The following ARHGAP40 variants were observed in gnomAD, a reference collection of about 807,000 sequenced individuals.
ARHGAP40 encodes the protein Rho GTPase activating protein 40.
In ARHGAP40, 43 loss-of-function variants were observed where a neutral mutation model predicts 73.5. That is an observed-to-expected ratio of 0.58 (90% CI 0.46 to 0.75). ARHGAP40 has a LOEUF of 0.75. Among genes scored for constraint, ARHGAP40 ranks in the 30% least tolerant of loss-of-function variants. The probability of loss-of-function intolerance (pLI) is 0.00; values close to 1 mark genes in which losing one functional copy is unlikely to be tolerated. For missense variants in ARHGAP40, 734 were observed against 861.8 expected, an observed-to-expected ratio of 0.85 and a Z score of 1.86; for synonymous variants, 300 against 352.8, an observed-to-expected ratio of 0.85 and a Z score of 1.68.
chr20:38,640,139 T>TC lies in ARHGAP40; in HGVS notation c.1279+754dup, dbSNP rs1253223512. Among the ~76,000 whole-genome samples, 350 of 40,252 alleles carry TC rather than the reference T, an allele frequency of 8.7e-3. 2 individuals are homozygous for TC. The highest frequency in any genetic ancestry group is 0.057 in the African/African-American group (336 of 5,848). 26.4% of individuals were successfully genotyped at this position (40,252 alleles called of 152,430 possible). On this transcript the variant is annotated intron_variant, in intron 9 of 14. Transcript: ENST00000373345. ...TCCTCTTCTTCCTCTTCTTTCTTCT[T>TC]CTTTCTTCTTCCTCTTCTTTCTTCT...
intron 1 of ARHGAP40, among the ~76,000 whole-genome samples, chr20:38,621,158 A>AG (rs550834445): frequency 7.2e-4 from 109 of 152,286 alleles, no homozygotes; most frequent in South Asian, 3.5e-3. Context: ...CAGGGACTCC[A>AG]GGGGATGGGA....
chr20:38,633,791 C>T (rs568554539), intron 5 of ARHGAP40, among the ~76,000 whole-genome samples: 3 of 152,320 alleles, frequency 2.0e-5, no homozygotes, highest in African/African-American at 7.2e-5. Context: ...GAGCTGCCTG[C>T]AGATTCCCAA....
At chr20:38,611,494 T>A (rs2088804728) in intron 1 of ARHGAP40, among the ~76,000 whole-genome samples, 1 of 149,218 alleles carries the variant, frequency 6.7e-6, no homozygotes, top group South Asian at 2.2e-4. Flanking sequence ...CATAGCTCAC[T>A]GCAACCTCAA....
chr20:38,621,432 C>T (rs1037322634), intron 1 of ARHGAP40, among the ~76,000 whole-genome samples: 1 of 152,138 alleles, frequency 6.6e-6, no homozygotes, highest in Non-Finnish European at 1.5e-5. Context: ...TGTGGGGGAC[C>T]TTCCTGTGAG....
chr20:38,641,575 T>C (rs1448769011), intron 9 of ARHGAP40, 151 bp from the exon 10 acceptor site: 4 of 416,670 alleles, frequency 9.6e-6, no homozygotes, highest in Non-Finnish European at 1.6e-5. Flanking sequence ...GAGCCAACAT[T>C]AGACAAGGAA....
In ARHGAP40 at chr20:38,646,117, A is replaced by G. The variant is rs756142359; in HGVS notation, c.1640A>G (p.Asp547Gly). 4.1e-5 allele frequency: 54 copies of G among 1,304,078 alleles called. No homozygotes were observed. Among genetic ancestry groups the G allele is most frequent in the Non-Finnish European group, 5.4e-5 (53 of 988,886 alleles). 80.8% of individuals were successfully genotyped at this position (1,304,078 alleles called of 1,614,324 possible). ...AGCAGCAGGCGCCCCCAGCTCTGCG[A>G]CGCAGGCCTCAAGACTTGGCTGCGG... The change falls in exon 12 of 15, where the codon GAC (aspartate) becomes GGC (glycine). Residue 547 changes from aspartate to glycine, a missense_variant. Coordinates refer to ENST00000373345, the Ensembl canonical transcript of ARHGAP40. This position sits in a 1 kb window ranked among gnomAD's most constrained non-coding sequence, Gnocchi z 4.5.
At position 38,640,620 on chromosome 20, in the gene ARHGAP40, C is replaced by A. The variant is rs139837148; in HGVS notation, c.1280-1106C>A. Reference sequence around the variant, plus strand: ...AAGATTCCACTTCTTACTAGGCCCACCTCCTCCGGCTCAGGTCCTGCCTAT... The same window carrying A: ...AAGATTCCACTTCTTACTAGGCCCAACTCCTCCGGCTCAGGTCCTGCCTAT... On this transcript the variant is annotated intron_variant, in intron 9 of 14. Transcript: ENST00000373345. 2.0e-5 allele frequency among the ~76,000 whole-genome samples: 3 copies of A among 152,318 alleles called. No homozygotes were observed. The East Asian group carries it at 5.8e-4, about 29-fold the overall frequency.
chr20:38,613,030 T>A (rs1417357990), intron 1 of ARHGAP40, among the ~76,000 whole-genome samples: 1 of 152,234 alleles, frequency 6.6e-6, no homozygotes, highest in Non-Finnish European at 1.5e-5. Flanking sequence ...AATTGTCACT[T>A]AGAGACACAG....
chr20:38,629,374 T>C, intron 4 of ARHGAP40, 128 bp from the exon 5 acceptor site: 1 of 977,834 alleles, frequency 1.0e-6, no homozygotes. Context: ...GATTTGATCC[T>C]GGGGCTTTGA....
intron 1 of ARHGAP40, among the ~76,000 whole-genome samples, chr20:38,609,003 G>A (rs6026789): frequency 6.6e-6 from 1 of 152,178 alleles, no homozygotes; most frequent in African/African-American, 2.4e-5. Context: ...CCCCATTTAA[G>A]GACCTTAGTG....
At position 38,646,131 on chromosome 20, in the gene ARHGAP40, A is replaced by G. The variant is rs1394300587; in HGVS notation, c.1654A>G (p.Thr552Ala). ...CCAGCTCTGCGACGCAGGCCTCAAG[A>G]CTTGGCTGCGGAGGATGCACGCAGA... Residue 552 changes from threonine (T) to alanine (A), a missense_variant, in exon 12 of 15, where the codon ACT (threonine) becomes GCT (alanine). Coordinates refer to ENST00000373345, the Ensembl canonical transcript of ARHGAP40. This position sits in a 1 kb window ranked among gnomAD's most constrained non-coding sequence, Gnocchi z 4.5. 7.7e-7 allele frequency: 1 copy of G among 1,304,106 alleles called. No homozygotes were observed. The highest frequency in any genetic ancestry group is 1.2e-5 in the South Asian group (1 of 81,018). 80.8% of individuals were successfully genotyped at this position (1,304,106 alleles called of 1,614,324 possible). A position where few individuals can be genotyped will look rare whatever the true frequency, so the allele number is the denominator to read the frequency against.
chr20:38,631,003 C>T (rs1290341098), intron 5 of ARHGAP40, among the ~76,000 whole-genome samples: 1 of 152,156 alleles, frequency 6.6e-6, no homozygotes, highest in Admixed American at 6.5e-5. Context: ...TGCTCCCTGA[C>T]TATATGATAG....
intron 1 of ARHGAP40, among the ~76,000 whole-genome samples, chr20:38,619,351 C>T (rs558731783): frequency 3.3e-5 from 5 of 152,100 alleles, no homozygotes; most frequent in South Asian, 2.1e-4. Flanking sequence ...GGGAAGACTG[C>T]GATGAGGCTG....
intron 8 of ARHGAP40, 100 bp downstream of exon 8, chr20:38,638,938 C>T (rs2088995366): frequency 2.0e-5 from 22 of 1,106,104 alleles, no homozygotes; most frequent in Non-Finnish European, 2.7e-5. Context: ...CGCCAGTGAT[C>T]TGTCTTTGGT....
chr20:38,601,915 C>T (rs746848808), exon 1 of ARHGAP40: 2 of 1,287,468 alleles, frequency 1.6e-6, no homozygotes, highest in South Asian at 2.5e-5. Context: ...AGCACCACGA[C>T]CGACCGGGAT....
chr20:38,611,601 G>A (rs967133944), intron 1 of ARHGAP40, among the ~76,000 whole-genome samples: 1 of 150,224 alleles, frequency 6.7e-6, no homozygotes. Context: ...TTTTTCAGAC[G>A]GAGTCTTGCT....
chr20:38,619,992 A>G (rs1419469403), intron 1 of ARHGAP40, among the ~76,000 whole-genome samples: 1 of 152,120 alleles, frequency 6.6e-6, no homozygotes, highest in African/African-American at 2.4e-5. Context: ...GCATCGCTTG[A>G]GCCCAAGACT....
chr20:38,618,267 T>G (rs220545), intron 1 of ARHGAP40, among the ~76,000 whole-genome samples: 6,885 of 152,084 alleles, frequency 0.045, 485 homozygotes, highest in African/African-American at 0.16. Context: ...GCCCATTAAT[T>G]TTTTGTATTT....
chr20:38,632,133 T>C (rs2088943461), intron 5 of ARHGAP40, among the ~76,000 whole-genome samples: 1 of 151,956 alleles, frequency 6.6e-6, no homozygotes, highest in Admixed American at 6.6e-5. Context: ...CCAGCTAATT[T>C]TTGTATTTTT....
Sources: gnomAD v4.1 joint callset for allele counts (sites outside exome capture counted in the v4.1 genomes callset) on GRCh38, gnomAD v4.1.1 for gene constraint, Gnocchi (gnomAD v3.1) non-coding constraint, MANE v1.5 for transcripts, NCBI Gene and HGNC (gene_info 2026-07-23, HGNC 2026-07-21) for gene names.